The following SYNE1 variants were observed in gnomAD, a reference collection of about 807,000 sequenced individuals.
SYNE1 encodes the protein nesprin-1.
A neutral mutation model predicts 1,111.0 loss-of-function variants in SYNE1; 616 were observed. The observed-to-expected ratio is 0.55, with a 90% confidence interval of 0.52 to 0.59. The LOEUF is 0.59. Among genes scored for constraint, SYNE1 ranks in the 20% least tolerant of loss-of-function variants. The pLI, the probability that SYNE1 is intolerant of heterozygous loss-of-function variation, is 0.00. For missense variants in SYNE1, 10,006 were observed against 10,417.0 expected (o/e 0.96, Z 1.72); for synonymous variants, 3,855 against 3,825.8 (o/e 1.01, Z -0.28).
rs138509817 is a variant in SYNE1 at position 152,310,514 on chromosome 6, A to G, written c.16901T>C (p.Met5634Thr). ...LQNLQDAAKDMKKFEAELKKL... is the reference protein window; with the variant it reads ...LQNLQDAAKDTKKFEAELKKL... ...TTTCAACTCTGCTTCAAATTTTTTCATATCCTAGAGAGTCAATATCAATGT... is the reference window on the plus strand; with the variant it reads ...TTTCAACTCTGCTTCAAATTTTTTCGTATCCTAGAGAGTCAATATCAATGT... Residue 5634 changes from methionine (M) to threonine (T), a missense_variant, in exon 89 of 146, where the codon ATG becomes ACG. Coordinates refer to ENST00000367255, the MANE Select transcript of SYNE1 (RefSeq NM_182961.4). 163 of 1,614,066 alleles carry G rather than the reference A, an allele frequency of 1.0e-4. No homozygotes were observed. In the East Asian group the frequency reaches 3.1e-3, roughly 30 times the overall value.
Position 152,175,359 on chromosome 6 carries a change from T to C in SYNE1, c.23627+1035A>G, listed in dbSNP as rs189965975. The stretch of plus-strand genomic sequence containing the variant: ...TTTTCAAAATCAGCATACAGGGTTG[T>C]GGTGCCCACATGCGGTTTTGATGAG... On this transcript the variant is annotated intron_variant, in intron 130 of 145. Coordinates refer to ENST00000367255, the MANE Select transcript of SYNE1 (RefSeq NM_182961.4). 2.6e-5 allele frequency among the ~76,000 whole-genome samples: 4 copies of C among 152,370 alleles called. No homozygotes were observed. In the East Asian group the frequency reaches 7.7e-4, roughly 29 times the overall value.
In SYNE1 at chr6:152,255,039, T is replaced by C; in HGVS notation, c.19311A>G (p.Lys6437=). 6.2e-7 allele frequency: 1 copy of C among 1,611,616 alleles called. No individual in the cohort carries two copies. The highest frequency in any genetic ancestry group is 8.5e-7 in the Non-Finnish European group (1 of 1,178,500). The change falls in exon 104 of 146, where the codon AAA becomes AAG. Residue 6437 remains lysine, a synonymous_variant. Coordinates refer to ENST00000367255, the MANE Select transcript of SYNE1 (RefSeq NM_182961.4). ...KEMSEEMDKN[K]NLFSQAFPEN... ...CTGGAAAAGCTTGGGAAAACAAGTT[T>C]TTGTTCTTATCCATTTCTTCAGACA...
At chr6:152,311,927 G>C (rs2095563393) in intron 87 of SYNE1, among the ~76,000 whole-genome samples, 1 of 151,844 alleles carries the variant, frequency 6.6e-6, no homozygotes, top group Non-Finnish European at 1.5e-5. Context: ...ACGCACCCAG[G>C]TGCCCGCCAC....
chr6:152,427,816 C>T lies in SYNE1; in HGVS notation c.4977G>A (p.Arg1659=). ...ALENLLAHWQ[R]LEKELSSFLT... ...AAAAGGATGATAGTTCTTTCTCTAG[C>T]CTAAAGGAAGCAGAGAGCAGAAACA... is the stretch of plus-strand genomic sequence containing the variant. Residue 1659 remains arginine, a splice_region_variant and synonymous_variant, in exon 38 of 146, where the codon AGG becomes AGA. Coordinates refer to ENST00000367255, the MANE Select transcript of SYNE1 (RefSeq NM_182961.4). 1 of 1,613,970 alleles carries T rather than the reference C, an allele frequency of 6.2e-7. No homozygotes were observed. The highest frequency in any genetic ancestry group is 1.1e-5 in the South Asian group (1 of 91,068).
chr6:152,416,888 A>G lies in SYNE1; in HGVS notation c.5549T>C (p.Phe1850Ser). The change falls in exon 41 of 146, where the codon TTC becomes TCC. Residue 1850 changes from phenylalanine (F) to serine (S), a missense_variant. By Grantham distance (155) the Phe-to-Ser change is radical. This residue lies in a region of SYNE1 where 4,955 missense variants were observed against 5,017.2 expected (regional missense o/e 0.99). Coordinates refer to ENST00000367255, the MANE Select transcript of SYNE1 (RefSeq NM_182961.4). ...CTGGCTGGCCTCCTCAAACAGCTGG[A>G]AGCAGTCCTCAGCCTTTCCCTGCAG... ...HLLQGKAEDCFQLFEEASQVV... is the reference protein window; with the variant it reads ...HLLQGKAEDCSQLFEEASQVV... The G allele has an allele frequency of 6.2e-7, 1 of 1,613,966 alleles. No individual in the cohort carries two copies. The highest frequency in any genetic ancestry group is 8.5e-7 in the Non-Finnish European group (1 of 1,179,880).
At chr6:152,307,005 A>T (rs566278583) in intron 91 of SYNE1, among the ~76,000 whole-genome samples, 2 of 152,232 alleles carry the variant, frequency 1.3e-5, no homozygotes, top group South Asian at 2.1e-4. Context: ...AAAAGATTTT[A>T]AAAATATCTG....
At chr6:152,293,106 C>G (rs1296315153) in intron 95 of SYNE1, among the ~76,000 whole-genome samples, 2 of 152,148 alleles carry the variant, frequency 1.3e-5, no homozygotes, top group Admixed American at 1.3e-4. Context: ...AAGTCAGGGA[C>G]AATCACAAGA....
At chr6:152,313,399 C>T (rs552175385) in intron 87 of SYNE1, among the ~76,000 whole-genome samples, 1 of 152,144 alleles carries the variant, frequency 6.6e-6, no homozygotes, top group African/African-American at 2.4e-5. Context: ...CCTATTCAGG[C>T]CCCTACGAAG....
At chr6:152,627,204 G>T (rs1389952229) in intron 3 of SYNE1, among the ~76,000 whole-genome samples, 1 of 152,248 alleles carries the variant, frequency 6.6e-6, no homozygotes, top group South Asian at 2.1e-4. Context: ...ATATCATTGG[G>T]ATTATGACAA....
chr6:152,157,901 G>T (rs954064120), intron 131 of SYNE1, among the ~76,000 whole-genome samples: 2 of 152,012 alleles, frequency 1.3e-5, no homozygotes, highest in African/African-American at 4.8e-5. Flanking sequence ...TGGGATTACA[G>T]GCGCCCACCA....
intron 128 of SYNE1, among the ~76,000 whole-genome samples, chr6:152,181,455 A>G (rs565391064): frequency 1.4e-4 from 21 of 152,248 alleles, no homozygotes; most frequent in African/African-American, 5.1e-4. Context: ...CCTTGTAGCC[A>G]TCAGCAGTTA....
chr6:152,136,378 C>T (rs2057081164), intron 141 of SYNE1, among the ~76,000 whole-genome samples: 1 of 152,188 alleles, frequency 6.6e-6, no homozygotes, highest in Admixed American at 6.5e-5. Context: ...CGGAGATAAA[C>T]ATGAGGAATA....
intron 16 of SYNE1, among the ~76,000 whole-genome samples, chr6:152,467,433 T>C (rs1290799327): frequency 1.3e-5 from 2 of 152,096 alleles, no homozygotes; most frequent in Non-Finnish European, 2.9e-5. Context: ...TTCAAGATAC[T>C]GCGTAAGAAA....
At chr6:152,597,794 G>A (rs2099586034) in intron 3 of SYNE1, among the ~76,000 whole-genome samples, 1 of 152,116 alleles carries the variant, frequency 6.6e-6, no homozygotes, top group Non-Finnish European at 1.5e-5. Context: ...ATATATTATA[G>A]TCAAGCGATG....
chr6:152,623,976 TAAAAC>T (rs2099680989), intron 3 of SYNE1, among the ~76,000 whole-genome samples: 3 of 152,060 alleles, frequency 2.0e-5, no homozygotes, highest in East Asian at 1.9e-4. Flanking sequence ...ATATTATACT[TAAAAC>T]AAAAAAGGTT....
In SYNE1 at chr6:152,325,017, A is replaced by G. The variant is rs116654781; in HGVS notation, c.15657+67T>C. 1,081 of 1,574,354 alleles carry G rather than the reference A, an allele frequency of 6.9e-4. 8 individuals carry two copies. In the African/African-American group the frequency reaches 0.013, roughly 19 times the overall value. The stretch of plus-strand genomic sequence containing the variant: ...GGCTGACTTCAAAAAGGGGCAAAAT[A>G]CTGTGTTTCAAAATACATTATAATT... On this transcript the variant is annotated intron_variant, in intron 81 of 145. Coordinates refer to ENST00000367255, the MANE Select transcript of SYNE1 (RefSeq NM_182961.4).
intron 131 of SYNE1, among the ~76,000 whole-genome samples, chr6:152,159,862 G>A (rs1006410370): frequency 1.3e-5 from 2 of 152,148 alleles, no homozygotes; most frequent in African/African-American, 4.8e-5. Flanking sequence ...TTCTTGTATA[G>A]TAGAGAAGAA....
At chr6:152,149,407 A>G (rs1334625136) in intron 136 of SYNE1, 70 bp downstream of exon 136, 14 of 1,593,576 alleles carry the variant, frequency 8.8e-6, no homozygotes, top group East Asian at 2.2e-5. Flanking sequence ...CCCACTATCA[A>G]TACAACCCAA....
In SYNE1 at chr6:152,122,568, G is replaced by C. The variant is rs2051656911; in HGVS notation, c.26262C>G (p.Leu8754=). Residue 8754 remains leucine, a synonymous_variant, in exon 146 of 146, where the codon CTC becomes CTG. Coordinates refer to ENST00000367255, the MANE Select transcript of SYNE1 (RefSeq NM_182961.4). ...AGGCAAGCCCGATGAGGAGGAGCAG[G>C]AGAAGCTGAAGGGGAAGAGCTGCTC... The part of the protein sequence containing the change: ...VLRAALPLQL[L]LLLLIGLACL... 6.2e-7 allele frequency: 1 copy of C among 1,614,230 alleles called. No individual in the cohort carries two copies.
Sources: gnomAD v4.1 joint callset for allele counts (sites outside exome capture counted in the v4.1 genomes callset) on GRCh38, gnomAD v4.1.1 for gene constraint, gnomAD v4.1.1 regional missense constraint, MANE v1.5 for transcripts, NCBI Gene and HGNC (gene_info 2026-07-23, HGNC 2026-07-21) for gene names.